The following SHOC2 variants were observed in gnomAD, a reference collection of about 807,000 sequenced individuals.
SHOC2 encodes leucine-rich repeat protein SHOC-2.
In SHOC2, 4 loss-of-function variants were observed where a neutral mutation model predicts 50.2. That is an observed-to-expected ratio of 0.08 (90% CI 0.04 to 0.18). The LOEUF (loss-of-function observed/expected upper bound fraction) is 0.18. Ranked by LOEUF, SHOC2 falls within the 10% of genes least tolerant of loss-of-function variation. SHOC2 has a pLI of 1.00. For synonymous variants in SHOC2, 218 were observed against 244.5 expected (o/e 0.89, Z 1.01); for missense variants, 388 against 669.6 (o/e 0.58, Z 4.64).
At chr10:111,004,184 T>A (rs992354648) in intron 4 of SHOC2, among the ~76,000 whole-genome samples, 4 of 152,212 alleles carry the variant, frequency 2.6e-5, no homozygotes, top group African/African-American at 9.6e-5. Context: ...TAGGTAGGAT[T>A]GGTCACACAG....
In SHOC2 at chr10:111,009,358, T is replaced by C; in HGVS notation, c.1395T>C (p.Asn465=). 5.0e-6 allele frequency: 8 copies of C among 1,610,810 alleles called. No individual in the cohort carries two copies. Among genetic ancestry groups the C allele is most frequent in the Non-Finnish European group, 6.8e-6 (8 of 1,177,304 alleles). ...LEENKLESLP[N]EIAYLKDLQK... ...AGAACAAATTGGAATCCTTGCCAAA[T>C]GAAATTGCATATCTTAAGGATTTAC... Residue 465 remains asparagine (N), a synonymous_variant, in exon 7 of 9, where the codon AAT becomes AAC. Coordinates refer to ENST00000369452, the MANE Select transcript of SHOC2 (RefSeq NM_007373.4).
chr10:110,968,571 A>G (rs1847720795), intron 2 of SHOC2, among the ~76,000 whole-genome samples: 1 of 151,700 alleles, frequency 6.6e-6, no homozygotes, highest in South Asian at 2.1e-4. Context: ...TTAGATGCTT[A>G]TTCTTCTTGT....
chr10:110,933,912 A>G (rs968382127), intron 1 of SHOC2, among the ~76,000 whole-genome samples: 2 of 152,198 alleles, frequency 1.3e-5, no homozygotes, highest in African/African-American at 2.4e-5. Flanking sequence ...GAGGCTCCCA[A>G]AGATTAAATT....
intron 1 of SHOC2, among the ~76,000 whole-genome samples, chr10:110,944,878 G>A (rs1221714150): frequency 6.6e-6 from 1 of 152,194 alleles, no homozygotes; most frequent in Non-Finnish European, 1.5e-5. Context: ...TTTTGTGTGT[G>A]TGTGTCTTGG....
In SHOC2 at chr10:111,007,512, T is replaced by G. The variant is rs1848492943; in HGVS notation, c.1162-19T>G. 3.7e-6 allele frequency: 6 copies of G among 1,613,322 alleles called. No individual in the cohort carries two copies. The highest frequency in any genetic ancestry group is 2.2e-5 in the East Asian group (1 of 44,776). ...GTTTTTGTGATTCTACCTTGGATGC[T>G]TCTTTTTGTCTTTGCCAGGACAATC... is the stretch of plus-strand genomic sequence containing the variant. On this transcript the variant is annotated intron_variant, in intron 5 of 8. Coordinates refer to ENST00000369452, the MANE Select transcript of SHOC2 (RefSeq NM_007373.4).
At chr10:110,963,505 T>C (rs1002014319) in intron 1 of SHOC2, among the ~76,000 whole-genome samples, 3 of 152,200 alleles carry the variant, frequency 2.0e-5, no homozygotes, top group African/African-American at 7.2e-5. Context: ...TTTGTTCTTT[T>C]TTTTTCTTTT....
chr10:111,004,842 C>T, intron 5 of SHOC2, 48 bp downstream of exon 5: 1 of 1,218,196 alleles, frequency 8.2e-7, no homozygotes, highest in South Asian at 1.2e-5. Context: ...TTAATTGGTA[C>T]TTCCACTAAT....
At position 110,935,258 on chromosome 10, in the gene SHOC2, CTG is replaced by C. The variant is rs553303586; in HGVS notation, c.-235+15602_-235+15603del. 2.9e-3 allele frequency among the ~76,000 whole-genome samples: 441 copies of C among 152,304 alleles called. 2 individuals are homozygous for C. The highest frequency in any genetic ancestry group is 5.2e-3 in the Non-Finnish European group (354 of 68,016). On this transcript the variant is annotated intron_variant, in intron 1 of 8. Transcript: ENST00000369452. ...TATTCCCTTACCACAGAGGAAGAAACTGAGGCACAGAAACTTTAAATGACATG... is the reference window on the plus strand; with the variant it reads ...TATTCCCTTACCACAGAGGAAGAAACAGGCACAGAAACTTTAAATGACATG...
rs571396929 is a variant in SHOC2, at chr10:111,003,025, A to G, written c.973-1581A>G. 2.6e-5 allele frequency among the ~76,000 whole-genome samples: 4 copies of G among 152,310 alleles called. No individual in the cohort carries two copies. In the South Asian group the frequency reaches 6.2e-4, roughly 24 times the overall value. ...AGAGATTTTTCCTGAATTGACTGCC[A>G]TGCAGTTTTCTTGCCACTGTTTTAC... On this transcript the variant is annotated intron_variant, in intron 4 of 8. Coordinates refer to ENST00000369452, the MANE Select transcript of SHOC2 (RefSeq NM_007373.4).
In SHOC2 at chr10:111,011,877, C is replaced by A; in HGVS notation, c.*59C>A. 7.7e-7 allele frequency: 1 copy of A among 1,306,076 alleles called. No individual in the cohort carries two copies. The highest frequency in any genetic ancestry group is 1.1e-6 in the Non-Finnish European group (1 of 902,426). 80.9% of individuals were successfully genotyped at this position (1,306,076 alleles called of 1,614,324 possible). Reference sequence around the variant, plus strand: ...ATAGACTGCCATTAATGTTTCTTATCTATATCTGTATCTATTTATGTAGAT... The same window carrying A: ...ATAGACTGCCATTAATGTTTCTTATATATATCTGTATCTATTTATGTAGAT... On this transcript the variant is annotated 3_prime_UTR_variant, in exon 9 of 9. Transcript: ENST00000369452.
chr10:110,989,016 A>G, intron 3 of SHOC2: 1 of 506,614 alleles, frequency 2.0e-6, no homozygotes, highest in South Asian at 1.5e-5. Context: ...TGATAGAAGA[A>G]TGTTATTTTG....
At chr10:110,932,993 T>G (rs1335159372) in intron 1 of SHOC2, among the ~76,000 whole-genome samples, 1 of 152,252 alleles carries the variant, frequency 6.6e-6, no homozygotes, top group African/African-American at 2.4e-5. Flanking sequence ...TCCATGTACT[T>G]CTGAATGCCA....
intron 1 of SHOC2, among the ~76,000 whole-genome samples, chr10:110,946,635 T>G (rs971341642): frequency 6.6e-6 from 1 of 152,162 alleles, no homozygotes; most frequent in African/African-American, 2.4e-5. Flanking sequence ...GCTGTATCTA[T>G]GCAGATGGAA....
intron 2 of SHOC2, among the ~76,000 whole-genome samples, chr10:110,981,218 A>G (rs1255954374): frequency 2.0e-5 from 3 of 152,222 alleles, no homozygotes; most frequent in Non-Finnish European, 4.4e-5. Flanking sequence ...CTCAAATCAC[A>G]TTATAGTCTT....
At chr10:110,953,748 T>A (rs1291750643) in intron 1 of SHOC2, among the ~76,000 whole-genome samples, 6 of 151,434 alleles carry the variant, frequency 4.0e-5, no homozygotes, top group Admixed American at 2.6e-4. Context: ...ATATATATAT[T>A]TTGATAGGTT....
At chr10:110,967,213 C>T (rs570308405) in intron 2 of SHOC2, among the ~76,000 whole-genome samples, 78 of 152,260 alleles carry the variant, frequency 5.1e-4, no homozygotes, top group Admixed American at 4.2e-3. Context: ...GGAACTGACA[C>T]TGTAGAAAAA....
chr10:110,959,058 G>A (rs1285221666), intron 1 of SHOC2, among the ~76,000 whole-genome samples: 1 of 152,086 alleles, frequency 6.6e-6, no homozygotes, highest in Non-Finnish European at 1.5e-5. Flanking sequence ...TATATGTTAT[G>A]TAAATGCTTA....
intron 1 of SHOC2, among the ~76,000 whole-genome samples, chr10:110,950,593 T>C (rs1847332206): frequency 6.6e-6 from 1 of 152,184 alleles, no homozygotes; most frequent in African/African-American, 2.4e-5. Context: ...AGCATCATAC[T>C]ACCCGATGCC....
At chr10:111,000,228 A>C (rs1040773906) in intron 3 of SHOC2, among the ~76,000 whole-genome samples, 187 bp from the exon 4 acceptor site, 2 of 152,180 alleles carry the variant, frequency 1.3e-5, no homozygotes, top group Non-Finnish European at 2.9e-5. Flanking sequence ...GAGACAAGTG[A>C]GCATAAAAGT....
Sources: allele counts gnomAD v4.1 joint callset (sites outside exome capture counted in the v4.1 genomes callset), GRCh38; gene constraint gnomAD v4.1.1; transcripts MANE v1.5; gene names NCBI Gene and HGNC (gene_info 2026-07-23, HGNC 2026-07-21).